Variants in SHISA9 observed in about 807,000 individuals in gnomAD.
The protein encoded by SHISA9 is shisa family member 9.
A neutral mutation model predicts 38.0 loss-of-function variants in SHISA9; 13 were observed. The observed-to-expected ratio is 0.34, with a 90% CI of 0.22 to 0.54. The LOEUF is 0.54. SHISA9 is among the 20% of genes least tolerant of loss of function. The pLI is 0.91. For missense variants in SHISA9, 538 were observed against 575.8 expected, an observed-to-expected ratio of 0.93 and a Z score of 0.67; for synonymous variants, 275 against 242.0, an observed-to-expected ratio of 1.14 and a Z score of -1.27.
intron 2 of SHISA9, among the ~76,000 whole-genome samples, chr16:12,929,614 G>T (rs574490281): frequency 1.3e-5 from 2 of 151,784 alleles, no homozygotes; most frequent in South Asian, 4.2e-4. Flanking sequence ...ACAGGGAGGG[G>T]AACAACACAT....
chr16:13,446,640 T>C, the SHISA9 span, among the ~76,000 whole-genome samples: 2 of 151,994 alleles, frequency 1.3e-5, no homozygotes, highest in Non-Finnish European at 2.9e-5. Context: ...TGAGACTGTG[T>C]GTGTATGTGT....
At chr16:13,031,802 T>A (rs1204984366) in intron 2 of SHISA9, among the ~76,000 whole-genome samples, 1 of 152,212 alleles carries the variant, frequency 6.6e-6, no homozygotes, top group Non-Finnish European at 1.5e-5. Context: ...AGGAAACAAT[T>A]TGAGCATAAT....
intron 2 of SHISA9, among the ~76,000 whole-genome samples, chr16:13,078,826 A>T (rs1175226739): frequency 6.6e-6 from 1 of 152,208 alleles, no homozygotes; most frequent in Admixed American, 6.5e-5. Flanking sequence ...TCCTCATTTA[A>T]TTCTGCAGCA....
chr16:13,076,177 T>A (rs539221086), intron 2 of SHISA9, among the ~76,000 whole-genome samples: 81 of 152,072 alleles, frequency 5.3e-4, no homozygotes, highest in Middle Eastern at 3.4e-3. Flanking sequence ...ATTACATGCA[T>A]GCGCCATCAC....
the SHISA9 span, among the ~76,000 whole-genome samples, chr16:13,245,424 T>G: frequency 1.3e-5 from 2 of 152,192 alleles, no homozygotes; most frequent in African/African-American, 4.8e-5. Context: ...TGCTTCTATT[T>G]TTTTAAAATA....
At chr16:13,283,781 A>G in the SHISA9 span, among the ~76,000 whole-genome samples, 7 of 152,048 alleles carry the variant, frequency 4.6e-5, no homozygotes, top group African/African-American at 1.7e-4. Context: ...GCTGGATTTC[A>G]GGTATGTTAA....
intron 1 of SHISA9, chr16:12,908,588 G>A (rs1294857938): frequency 5.8e-6 from 9 of 1,551,534 alleles, no homozygotes; most frequent in East Asian, 4.9e-5. Flanking sequence ...CTGAGTGCAC[G>A]GATCCTTGGC....
the SHISA9 span, among the ~76,000 whole-genome samples, chr16:13,268,252 G>A: frequency 0.57 from 86,228 of 152,014 alleles, 25,055 homozygotes; most frequent in African/African-American, 0.68. Context: ...GCTCTTGCCT[G>A]TAATCCCAGC....
chr16:13,276,537 T>G, the SHISA9 span, among the ~76,000 whole-genome samples: 1 of 152,124 alleles, frequency 6.6e-6, no homozygotes, highest in Non-Finnish European at 1.5e-5. Context: ...CCACCAGCAA[T>G]GTAGTAGTGT....
chr16:13,479,751 C>T, the SHISA9 span, among the ~76,000 whole-genome samples: 1 of 152,172 alleles, frequency 6.6e-6, no homozygotes, highest in South Asian at 2.1e-4. Context: ...TCATGCATCC[C>T]ATGCCATCGC....
chr16:13,065,603 T>A (rs1365781098), intron 2 of SHISA9, among the ~76,000 whole-genome samples: 1 of 152,278 alleles, frequency 6.6e-6, no homozygotes, highest in Non-Finnish European at 1.5e-5. Flanking sequence ...CTGCTTTTAA[T>A]GTTCTTTTAC....
At chr16:13,485,924 C>T in the SHISA9 span, among the ~76,000 whole-genome samples, 20 of 152,334 alleles carry the variant, frequency 1.3e-4, no homozygotes, top group African/African-American at 4.8e-4. Flanking sequence ...CTTCATGTAA[C>T]ATAATGACCT....
intron 2 of SHISA9, among the ~76,000 whole-genome samples, chr16:13,139,405 C>CCTTCCTTCTTTCCTTCCTTCCTTA (rs2050379435): frequency 8.5e-6 from 1 of 117,078 alleles, no homozygotes; most frequent in Non-Finnish European, 1.6e-5. Flanking sequence ...TTCCTTCCTT[C>CCTTCCTTCTTTCCTTCCTTCCTTA]CTTCCTTCCT....
intron 2 of SHISA9, among the ~76,000 whole-genome samples, chr16:12,999,387 T>A (rs193063881): frequency 6.7e-6 from 1 of 150,374 alleles, no homozygotes; most frequent in Non-Finnish European, 1.5e-5. Context: ...TGGTTCAGAC[T>A]TTTTTCAGAC....
At position 12,957,653 on chromosome 16, in the gene SHISA9, G is replaced by A. The variant is rs185346857; in HGVS notation, c.691+40838G>A. 2.8e-3 allele frequency among the ~76,000 whole-genome samples: 420 copies of A among 152,222 alleles called. 1 individual carries two copies. Among genetic ancestry groups the A allele is most frequent in the Non-Finnish European group, 5.2e-3 (351 of 68,020 alleles). ...GGTAGGATTTCAACATATGAATTTGGGGGGAGGTACATAAACATTCAGTCT... is the reference window on the plus strand; with the variant it reads ...GGTAGGATTTCAACATATGAATTTGAGGGGAGGTACATAAACATTCAGTCT... On this transcript the variant is annotated intron_variant, in intron 2 of 4. Transcript: ENST00000558583.
the SHISA9 span, among the ~76,000 whole-genome samples, chr16:13,378,022 G>C: frequency 6.4e-5 from 9 of 141,622 alleles, no homozygotes; most frequent in African/African-American, 2.0e-4. Context: ...AACAGAGCAA[G>C]ACTCCATCTA....
At chr16:13,368,617 G>C in the SHISA9 span, among the ~76,000 whole-genome samples, 3 of 151,954 alleles carry the variant, frequency 2.0e-5, no homozygotes, top group Non-Finnish European at 4.4e-5. Flanking sequence ...TAAAATGATG[G>C]GGTGTGCTGT....
the SHISA9 span, among the ~76,000 whole-genome samples, chr16:13,471,539 G>T: frequency 6.6e-6 from 1 of 152,102 alleles, no homozygotes. Context: ...AAAAGTCTCT[G>T]CACAACTCTC....
chr16:13,429,956 A>C, the SHISA9 span, among the ~76,000 whole-genome samples: 1 of 152,214 alleles, frequency 6.6e-6, no homozygotes, highest in Non-Finnish European at 1.5e-5. Flanking sequence ...TGAGTCTTAA[A>C]AGAGATAATT....
Sources: allele counts gnomAD v4.1 joint callset (sites outside exome capture counted in the v4.1 genomes callset), GRCh38; gene constraint gnomAD v4.1.1; transcripts MANE v1.5; gene names NCBI Gene and HGNC (gene_info 2026-07-23, HGNC 2026-07-21).